MARCHF4: variants seen among roughly 807,000 people sequenced by gnomAD.
MARCHF4 encodes the protein E3 ubiquitin-protein ligase MARCHF4.
A neutral mutation model predicts 43.9 loss-of-function variants in MARCHF4; 14 were observed. The ratio of observed to expected loss-of-function variants is 0.32; its 90% confidence interval spans 0.21 to 0.50. The LOEUF (loss-of-function observed/expected upper bound fraction) is 0.50. MARCHF4 is among the 20% of genes least tolerant of loss of function. The probability of loss-of-function intolerance (pLI) is 0.98; values close to 1 mark genes in which losing one functional copy is unlikely to be tolerated. For synonymous variants in MARCHF4, 226 were observed against 213.3 expected, an observed-to-expected ratio of 1.06 and a Z score of -0.52; for missense variants, 468 against 536.7, an observed-to-expected ratio of 0.87 and a Z score of 1.27.
At chr2:216,305,602 G>T (rs372266071) in intron 1 of MARCHF4, among the ~76,000 whole-genome samples, 5 of 152,312 alleles carry the variant, frequency 3.3e-5, no homozygotes, top group African/African-American at 1.2e-4. Flanking sequence ...AAGACTCAAA[G>T]TAGCAGAATG....
chr2:216,365,863 C>T lies in MARCHF4; in HGVS notation c.516+3882G>A, dbSNP rs113225747. Reference sequence around the variant, plus strand: ...AGACTCCCAGAGGGCAGGACCACATCTACCCTATGTCTCTGGACCTTGTCC... The same window carrying T: ...AGACTCCCAGAGGGCAGGACCACATTTACCCTATGTCTCTGGACCTTGTCC... On this transcript the variant is annotated intron_variant, in intron 1 of 3. Transcript: ENST00000273067. 4.8e-3 allele frequency among the ~76,000 whole-genome samples: 724 copies of T among 152,330 alleles called. 6 individuals carry two copies. Among genetic ancestry groups the T allele is most frequent in the African/African-American group, 0.017 (691 of 41,574 alleles).
chr2:216,302,214 T>C (rs956465944), intron 1 of MARCHF4, among the ~76,000 whole-genome samples: 1 of 152,052 alleles, frequency 6.6e-6, no homozygotes, highest in African/African-American at 2.4e-5. Context: ...TGATATTTAT[T>C]TTCAAAAAAA....
At chr2:216,295,417 G>A (rs530705998) in intron 1 of MARCHF4, among the ~76,000 whole-genome samples, 46 of 152,214 alleles carry the variant, frequency 3.0e-4, no homozygotes, top group African/African-American at 9.9e-4. Flanking sequence ...CTGCACCACC[G>A]TGCCCTAATT....
At chr2:216,333,096 A>T (rs1375086275) in intron 1 of MARCHF4, among the ~76,000 whole-genome samples, 2 of 152,260 alleles carry the variant, frequency 1.3e-5, no homozygotes, top group African/African-American at 4.8e-5. Context: ...TCTTTGGGAC[A>T]GGCAAAATTT....
chr2:216,272,577 C>G (rs72960762), intron 3 of MARCHF4, among the ~76,000 whole-genome samples: 20,767 of 152,172 alleles, frequency 0.14, 1,472 homozygotes, highest in South Asian at 0.24. Context: ...CAATCCTCTG[C>G]TCCACCATTT....
intron 3 of MARCHF4, among the ~76,000 whole-genome samples, chr2:216,273,012 C>T (rs1372955300): frequency 6.6e-6 from 1 of 152,130 alleles, no homozygotes; most frequent in Non-Finnish European, 1.5e-5. Flanking sequence ...TGCTAAGAGC[C>T]AGTTGGATGG....
chr2:216,355,376 A>T (rs1692486250), intron 1 of MARCHF4, among the ~76,000 whole-genome samples: 1 of 152,202 alleles, frequency 6.6e-6, no homozygotes, highest in Admixed American at 6.5e-5. Context: ...CCATGTACCC[A>T]GCACCCACCT....
chr2:216,353,351 T>C (rs958547864), intron 1 of MARCHF4, among the ~76,000 whole-genome samples: 1 of 152,206 alleles, frequency 6.6e-6, no homozygotes, highest in Non-Finnish European at 1.5e-5. Context: ...TTTACTGCAA[T>C]ATATTAATAT....
intron 1 of MARCHF4, among the ~76,000 whole-genome samples, chr2:216,340,981 A>G (rs556627630): frequency 6.6e-6 from 1 of 152,260 alleles, no homozygotes; most frequent in African/African-American, 2.4e-5. Flanking sequence ...TTAAATGTCC[A>G]GGTTGTGAAC....
intron 1 of MARCHF4, among the ~76,000 whole-genome samples, chr2:216,285,151 T>C (rs1166257070): frequency 1.3e-5 from 2 of 152,110 alleles, no homozygotes; most frequent in African/African-American, 4.8e-5. Flanking sequence ...CATGAAAAAA[T>C]AAATCAAGTG....
At chr2:216,322,549 C>T (rs1055775231) in intron 1 of MARCHF4, among the ~76,000 whole-genome samples, 6 of 152,232 alleles carry the variant, frequency 3.9e-5, no homozygotes, top group South Asian at 2.1e-4. Context: ...CGGCCAGGCA[C>T]GGTGGCTCAC....
intron 1 of MARCHF4, among the ~76,000 whole-genome samples, chr2:216,285,800 T>A (rs83612): frequency 0.37 from 56,394 of 151,838 alleles, 11,761 homozygotes; most frequent in East Asian, 0.55. Flanking sequence ...CGTGGCAGCA[T>A]TTCCTAGGCT....
At chr2:216,266,421 C>T (rs562389872) in intron 3 of MARCHF4, among the ~76,000 whole-genome samples, 2 of 152,296 alleles carry the variant, frequency 1.3e-5, no homozygotes, top group East Asian at 3.9e-4. Context: ...ATCTCTCTTC[C>T]TCCTTCTTCA....
intron 1 of MARCHF4, among the ~76,000 whole-genome samples, chr2:216,324,044 T>C (rs1261614251): frequency 6.6e-6 from 1 of 150,384 alleles, no homozygotes; most frequent in Non-Finnish European, 1.5e-5. Flanking sequence ...TTTGAAAGGA[T>C]CAACAAAATT....
chr2:216,339,750 G>A (rs1692209570), intron 1 of MARCHF4, among the ~76,000 whole-genome samples: 1 of 152,044 alleles, frequency 6.6e-6, no homozygotes. Context: ...CTGACTTAGG[G>A]CTTTGGGTTT....
At chr2:216,328,507 T>A (rs1013575604) in intron 1 of MARCHF4, among the ~76,000 whole-genome samples, 1 of 152,206 alleles carries the variant, frequency 6.6e-6, no homozygotes, top group Non-Finnish European at 1.5e-5. Context: ...GGACTTATGG[T>A]TCTATTTCAC....
rs373150281 is a variant in MARCHF4 at position 216,264,995 on chromosome 2, C to T, written c.866-5316G>A. Reference sequence around the variant, plus strand: ...TTCTTATTGATTTCTTGGGTGGCAGCGTACCGAAGAAACAGGGGAAGATGA... The same window carrying T: ...TTCTTATTGATTTCTTGGGTGGCAGTGTACCGAAGAAACAGGGGAAGATGA... On this transcript the variant is annotated intron_variant, in intron 3 of 3. Transcript: ENST00000273067. Among the ~76,000 whole-genome samples the T allele has an allele frequency of 1.5e-3, 235 of 152,212 alleles. 1 individual carries two copies. Among genetic ancestry groups the T allele is most frequent in the African/African-American group, 4.7e-3 (195 of 41,530 alleles).
chr2:216,354,923 CTTT>C (rs1692466567), intron 1 of MARCHF4, among the ~76,000 whole-genome samples: 2 of 121,840 alleles, frequency 1.6e-5, no homozygotes, highest in Non-Finnish European at 3.3e-5. Flanking sequence ...TTCTTTCTTT[CTTT>C]CTTTCTTTCT....
intron 1 of MARCHF4, among the ~76,000 whole-genome samples, chr2:216,345,471 A>G (rs896954578): frequency 1.3e-5 from 2 of 152,018 alleles, no homozygotes; most frequent in Admixed American, 6.6e-5. Flanking sequence ...CCAATCAATC[A>G]GCCTTTATCA....
Sources: allele counts gnomAD v4.1 joint callset (sites outside exome capture counted in the v4.1 genomes callset), GRCh38; gene constraint gnomAD v4.1.1; transcripts MANE v1.5; gene names NCBI Gene and HGNC (gene_info 2026-07-23, HGNC 2026-07-21).